PTPRD: variants seen among roughly 807,000 people sequenced by gnomAD.
The protein encoded by PTPRD is receptor-type tyrosine-protein phosphatase delta.
PTPRD carries 34 observed loss-of-function variants against 214.5 expected under a neutral mutation model. The observed-to-expected ratio is 0.16, with a 90% CI of 0.12 to 0.21. The LOEUF (loss-of-function observed/expected upper bound fraction) is 0.21, where lower values mean the gene tolerates loss of function less well. Ranked by LOEUF, PTPRD falls within the 10% of genes least tolerant of loss-of-function variation. The pLI is 1.00. For synonymous variants in PTPRD, 1,128 were observed against 845.7 expected, an observed-to-expected ratio of 1.33 and a Z score of -5.79; for missense variants, 2,545 against 2,398.7, an observed-to-expected ratio of 1.06 and a Z score of -1.27.
At chr9:9,764,081 G>GTC (rs998715229) in intron 6 of PTPRD, among the ~76,000 whole-genome samples, 31 of 152,064 alleles carry the variant, frequency 2.0e-4, no homozygotes, top group Non-Finnish European at 4.3e-4. Context: ...GTATTTACAT[G>GTC]TCTCTTCCCA....
intron 9 of PTPRD, among the ~76,000 whole-genome samples, chr9:9,191,907 A>G (rs748704422): frequency 1.3e-5 from 2 of 152,100 alleles, no homozygotes; most frequent in African/African-American, 2.4e-5. Flanking sequence ...TTTTGCAAAC[A>G]ACAGAAAATT....
intron 12 of PTPRD, among the ~76,000 whole-genome samples, chr9:8,729,054 C>G (rs879730892): frequency 6.6e-6 from 1 of 152,150 alleles, no homozygotes; most frequent in Non-Finnish European, 1.5e-5. Context: ...CTCTTTCTCA[C>G]CAAGCTCACC....
At chr9:9,380,421 T>C (rs926564636) in intron 9 of PTPRD, among the ~76,000 whole-genome samples, 4 of 152,142 alleles carry the variant, frequency 2.6e-5, no homozygotes, top group African/African-American at 9.6e-5. Context: ...ACTTATGGGG[T>C]ACATGAGATG....
At chr9:8,572,741 T>TA (rs951956491) in intron 14 of PTPRD, among the ~76,000 whole-genome samples, 1 of 151,924 alleles carries the variant, frequency 6.6e-6, no homozygotes, top group Non-Finnish European at 1.5e-5. Flanking sequence ...TTGAAAAAAA[T>TA]AAAAAACAAC....
intron 4 of PTPRD, among the ~76,000 whole-genome samples, chr9:9,989,222 T>C (rs994023875): frequency 6.6e-6 from 1 of 152,132 alleles, no homozygotes; most frequent in African/African-American, 2.4e-5. Context: ...GAAGTGGATG[T>C]GGGTCCCTGG....
At position 10,020,087 on chromosome 9, in the gene PTPRD, C is replaced by A. The variant is rs369088727; in HGVS notation, c.-472+13631G>T. Among the ~76,000 whole-genome samples, 12 of 152,122 alleles carry A rather than the reference C, an allele frequency of 7.9e-5. No individual in the cohort carries two copies. In the East Asian group the frequency reaches 1.4e-3, roughly 17 times the overall value. The stretch of plus-strand genomic sequence containing the variant: ...AAGAAAGACGGAAGTTATTAATAAC[C>A]TTACTTTTGTGATTTGAAGAAGTTA... On this transcript the variant is annotated intron_variant, in intron 4 of 45. Transcript: ENST00000381196.
intron 2 of PTPRD, among the ~76,000 whole-genome samples, chr9:10,355,289 T>C (rs981750790): frequency 3.9e-5 from 6 of 152,128 alleles, no homozygotes; most frequent in Admixed American, 3.3e-4. Flanking sequence ...AAACTCAAAA[T>C]GCTATTTTTG....
chr9:8,999,339 A>C (rs904407393), intron 11 of PTPRD, among the ~76,000 whole-genome samples: 10 of 152,068 alleles, frequency 6.6e-5, no homozygotes, highest in Admixed American at 2.0e-4. Flanking sequence ...CACAACCCCC[A>C]GCCTGATCAG....
rs531466438 is a variant in PTPRD at position 9,652,956 on chromosome 9, G to C, written c.-286-78175C>G. On this transcript the variant is annotated intron_variant, in intron 7 of 45. Transcript: ENST00000381196. ...AAAGTGCTAAATATTTTCTTGCTTA[G>C]TTTCATTCCTAGTCACAATTTATTC... 2.0e-5 allele frequency among the ~76,000 whole-genome samples: 3 copies of C among 152,192 alleles called. No individual in the cohort carries two copies. The South Asian group carries it at 6.2e-4, about 32-fold the overall frequency.
intron 33 of PTPRD, among the ~76,000 whole-genome samples, chr9:8,457,047 A>T (rs10121643): frequency 0.041 from 6,241 of 152,198 alleles, 449 homozygotes; most frequent in African/African-American, 0.14. Flanking sequence ...TTGCCTTGTG[A>T]ATTTTTTGTT....
At chr9:9,417,871 A>G (rs139410902) in intron 8 of PTPRD, among the ~76,000 whole-genome samples, 2,845 of 152,208 alleles carry the variant, frequency 0.019, 41 homozygotes, top group Non-Finnish European at 0.03. Context: ...ATATAATGTG[A>G]AATCATTTCA....
chr9:10,354,443 C>T (rs2097236926), intron 2 of PTPRD, among the ~76,000 whole-genome samples: 1 of 152,118 alleles, frequency 6.6e-6, no homozygotes. Flanking sequence ...TTGTCCTCTT[C>T]ATCACTTTTA....
At chr9:8,922,810 C>A (rs2098836912) in intron 11 of PTPRD, among the ~76,000 whole-genome samples, 1 of 147,940 alleles carries the variant, frequency 6.8e-6, no homozygotes, top group Non-Finnish European at 1.5e-5. Context: ...TCACGCCCGG[C>A]TAATTTTTTT....
chr9:9,080,046 T>G (rs113602662), intron 10 of PTPRD, among the ~76,000 whole-genome samples: 1 of 152,050 alleles, frequency 6.6e-6, no homozygotes, highest in Non-Finnish European at 1.5e-5. Context: ...TGTGATCATG[T>G]AGAATTCTGG....
chr9:9,056,799 A>G (rs149341517), intron 10 of PTPRD, among the ~76,000 whole-genome samples: 392 of 152,350 alleles, frequency 2.6e-3, no homozygotes, highest in African/African-American at 8.8e-3. Flanking sequence ...CACGGAAAAT[A>G]TATTTATTAA....
intron 5 of PTPRD, among the ~76,000 whole-genome samples, chr9:9,882,404 C>T (rs181085420): frequency 1.3e-5 from 2 of 152,176 alleles, no homozygotes; most frequent in Non-Finnish European, 2.9e-5. Flanking sequence ...TATCATGATC[C>T]AAATGGTGAA....
chr9:9,453,299 G>A (rs930553099), intron 8 of PTPRD, among the ~76,000 whole-genome samples: 2 of 151,354 alleles, frequency 1.3e-5, no homozygotes, highest in African/African-American at 4.8e-5. Flanking sequence ...CATATTCAGA[G>A]GCTGCCACAT....
At chr9:9,789,781 A>G (rs2098953474) in intron 5 of PTPRD, among the ~76,000 whole-genome samples, 1 of 67,356 alleles carries the variant, frequency 1.5e-5, no homozygotes, top group Admixed American at 1.4e-4. Context: ...TGGGCAACAG[A>G]GCCAAACTCT....
At chr9:10,252,905 T>C (rs984923233) in intron 3 of PTPRD, among the ~76,000 whole-genome samples, 2 of 152,024 alleles carry the variant, frequency 1.3e-5, no homozygotes, top group African/African-American at 4.8e-5. Flanking sequence ...TGCCTCAGCC[T>C]CCCGAGTAGC....
Sources: allele counts gnomAD v4.1 joint callset (sites outside exome capture counted in the v4.1 genomes callset), GRCh38; gene constraint gnomAD v4.1.1; transcripts MANE v1.5; gene names NCBI Gene and HGNC (gene_info 2026-07-23, HGNC 2026-07-21).